MTRF1: variants seen among roughly 807,000 people sequenced by gnomAD.
MTRF1 encodes mitochondrial translation release factor 1, also known as peptide chain release factor 1, mitochondrial.
A neutral mutation model predicts 62.9 loss-of-function variants in MTRF1; 51 were observed. The observed-to-expected ratio is 0.81, with a 90% CI of 0.65 to 1.02. MTRF1 has a LOEUF of 1.02. MTRF1 is among the 50% of genes least tolerant of loss of function. The pLI is 0.00. For synonymous variants in MTRF1, 158 were observed against 181.9 expected (o/e 0.87, Z 1.06); for missense variants, 446 against 530.0 (o/e 0.84, Z 1.56).
chr13:41,256,337 T>C (rs1442794222), intron 2 of MTRF1, among the ~76,000 whole-genome samples: 1 of 151,996 alleles, frequency 6.6e-6, no homozygotes, highest in African/African-American at 2.4e-5. Flanking sequence ...AATTTTTTTT[T>C]TTTTTTTGAG....
intron 5 of MTRF1, among the ~76,000 whole-genome samples, chr13:41,244,849 C>G (rs1439548634): frequency 6.6e-6 from 1 of 152,104 alleles, no homozygotes; most frequent in Non-Finnish European, 1.5e-5. Context: ...CACCCTGTGC[C>G]ACTCAAAAAA....
chr13:41,222,818 C>T (rs1395668777), intron 9 of MTRF1, among the ~76,000 whole-genome samples: 2 of 152,148 alleles, frequency 1.3e-5, no homozygotes, highest in African/African-American at 4.8e-5. Context: ...CCTGGCCATG[C>T]CTTGATTTCA....
intron 7 of MTRF1, among the ~76,000 whole-genome samples, chr13:41,227,484 A>G (rs12862788): frequency 0.6 from 91,246 of 151,380 alleles, 28,018 homozygotes; most frequent in Admixed American, 0.65. Flanking sequence ...AGTTTTGGCT[A>G]GCCAGCTTCT....
intron 2 of MTRF1, among the ~76,000 whole-genome samples, chr13:41,255,520 C>T (rs1023958059): frequency 2.0e-5 from 3 of 152,096 alleles, no homozygotes; most frequent in East Asian, 1.9e-4. Context: ...GGTGAAATCC[C>T]ATCTCTACTA....
Position 41,230,903 on chromosome 13 carries a change from T to G in MTRF1, c.988+2987A>C, listed in dbSNP as rs541906072. 1.6e-4 allele frequency among the ~76,000 whole-genome samples: 24 copies of G among 152,070 alleles called. 1 individual carries two copies. Among genetic ancestry groups the G allele is most frequent in the Non-Finnish European group, 3.4e-4 (23 of 68,006 alleles). On this transcript the variant is annotated intron_variant, in intron 7 of 9. Transcript: ENST00000379480. ...ACACCCAGCTAATTTTTTTGTATTT[T>G]TAGTAGAGACAGGGTTTCACCATTT...
intron 9 of MTRF1, among the ~76,000 whole-genome samples, chr13:41,221,822 G>T (rs1298640222): frequency 6.8e-5 from 5 of 73,760 alleles, no homozygotes; most frequent in Non-Finnish European, 1.5e-4. Context: ...CGAAAAAATT[G>T]TCACTACTAG....
At chr13:41,296,961 C>T in the MTRF1 span, among the ~76,000 whole-genome samples, 1 of 152,092 alleles carries the variant, frequency 6.6e-6, no homozygotes, top group Non-Finnish European at 1.5e-5. Flanking sequence ...CTTCTCTAAA[C>T]ACATTTGCAA....
chr13:41,268,243 T>A (rs1287312135), upstream of MTRF1, among the ~76,000 whole-genome samples: 1 of 152,202 alleles, frequency 6.6e-6, no homozygotes, highest in African/African-American at 2.4e-5. Flanking sequence ...CACCATTTCA[T>A]ATTTGACAAT....
rs1227527316 is a variant in MTRF1 at position 41,226,415 on chromosome 13, T to C, written c.1125+17A>G. Reference sequence around the variant, plus strand: ...TCTTTAAACAGTCACTAAATTATTATACCAAGTAAATCTTACCTGCAGTTT... The same window carrying C: ...TCTTTAAACAGTCACTAAATTATTACACCAAGTAAATCTTACCTGCAGTTT... On this transcript the variant is annotated intron_variant, in intron 8 of 9. Transcript: ENST00000379480. 1.1e-5 allele frequency: 17 copies of C among 1,599,904 alleles called. No individual in the cohort carries two copies. The highest frequency in any genetic ancestry group is 1.4e-5 in the Non-Finnish European group (16 of 1,176,524).
At chr13:41,275,418 C>T in the MTRF1 span, among the ~76,000 whole-genome samples, 4 of 151,502 alleles carry the variant, frequency 2.6e-5, no homozygotes, top group South Asian at 2.1e-4. Flanking sequence ...GCCAGGATGG[C>T]CTCCATCCCC....
the MTRF1 span, among the ~76,000 whole-genome samples, chr13:41,303,651 T>C: frequency 2.0e-5 from 3 of 152,142 alleles, no homozygotes; most frequent in African/African-American, 7.2e-5. Flanking sequence ...GAGTGAGGGC[T>C]AAGAAAACTG....
chr13:41,273,192 G>A, the MTRF1 span, among the ~76,000 whole-genome samples: 26 of 152,192 alleles, frequency 1.7e-4, no homozygotes, highest in African/African-American at 2.6e-4. Context: ...TGGGCGTGGT[G>A]GTGGGCGCCT....
rs537792695 is a variant in MTRF1 at position 41,259,651 on chromosome 13, G to A, written c.415+842C>T. On this transcript the variant is annotated intron_variant, in intron 2 of 9. Transcript: ENST00000379480. The stretch of plus-strand genomic sequence containing the variant: ...CGGGAGGCGGAGCTTGCAGTGAGCC[G>A]AGATCCCGCCACTGCACTCCAGCCT... 3.0e-3 allele frequency among the ~76,000 whole-genome samples: 430 copies of A among 142,576 alleles called. 7 individuals are homozygous for A. The highest frequency in any genetic ancestry group is 1.9e-3 in the Non-Finnish European group (124 of 66,250). 93.5% of individuals were successfully genotyped at this position (142,576 alleles called of 152,430 possible). A position where few individuals can be genotyped will look rare whatever the true frequency, so the allele number is the denominator to read the frequency against.
At chr13:41,289,122 A>G in the MTRF1 span, among the ~76,000 whole-genome samples, 1 of 152,222 alleles carries the variant, frequency 6.6e-6, no homozygotes, top group Non-Finnish European at 1.5e-5. Flanking sequence ...TCATGAGTTA[A>G]GCAAAAATTT....
In MTRF1 at chr13:41,260,696, T is replaced by C; in HGVS notation, c.212A>G (p.Lys71Arg). Reference protein sequence around the residue: ...YCHQDTKMLWKHKALQKYMEN... With the variant: ...YCHQDTKMLWRHKALQKYMEN... ...CATATATTTCTGTAGTGCTTTATGCTTCCAGAGCATCTTGGTGTCTTGATG... is the reference window on the plus strand; with the variant it reads ...CATATATTTCTGTAGTGCTTTATGCCTCCAGAGCATCTTGGTGTCTTGATG... The change falls in exon 2 of 10, where the codon AAG becomes AGG. Residue 71 changes from lysine (K) to arginine (R), a missense_variant. Lys to Arg is a conservative substitution (Grantham distance 26, BLOSUM62 2). Transcript: ENST00000379480. The C allele has an allele frequency of 6.2e-7, 1 of 1,614,202 alleles. No homozygotes were observed. The highest frequency in any genetic ancestry group is 8.5e-7 in the Non-Finnish European group (1 of 1,180,010).
chr13:41,233,776 G>A, intron 7 of MTRF1, 114 bp downstream of exon 7: 1 of 783,432 alleles, frequency 1.3e-6, no homozygotes, highest in Admixed American at 2.2e-5. Context: ...CAACCCCAGT[G>A]ACATTTTTAA....
chr13:41,299,254 G>T, the MTRF1 span, among the ~76,000 whole-genome samples: 1 of 152,092 alleles, frequency 6.6e-6, no homozygotes, highest in South Asian at 2.1e-4. Context: ...AGAAATTTTG[G>T]TAGTATTTTT....
At chr13:41,238,805 T>A (rs2037088054) in intron 6 of MTRF1, among the ~76,000 whole-genome samples, 1 of 152,204 alleles carries the variant, frequency 6.6e-6, no homozygotes, top group Non-Finnish European at 1.5e-5. Context: ...TGTCTTCTGA[T>A]AAGATGCAAC....
At chr13:41,264,560 C>T (rs564038226), upstream of MTRF1, among the ~76,000 whole-genome samples, 5 of 152,308 alleles carry the variant, frequency 3.3e-5, 1 homozygote, top group South Asian at 1.0e-3. Context: ...TAATCACATA[C>T]ATAGATAGGA....
Sources: allele counts gnomAD v4.1 joint callset (sites outside exome capture counted in the v4.1 genomes callset), GRCh38; gene constraint gnomAD v4.1.1; transcripts MANE v1.5; gene names NCBI Gene and HGNC (gene_info 2026-07-23, HGNC 2026-07-21).